GALNT5: variants seen among roughly 807,000 people sequenced by gnomAD.
GALNT5 encodes UDP-GalNAc:polypeptide N-acetylgalactosaminyltransferase 5.
Under a neutral mutation model 85.4 loss-of-function variants are expected in GALNT5, and 72 were observed. The observed-to-expected ratio is 0.84, with a 90% CI of 0.70 to 1.03. The LOEUF is 1.03. Among genes scored for constraint, GALNT5 ranks in the 50% least tolerant of loss-of-function variants. GALNT5 has a pLI of 0.00. For missense variants in GALNT5, 1,137 were observed against 1,135.5 expected (o/e 1.00, Z -0.02); for synonymous variants, 404 against 397.0 (o/e 1.02, Z -0.21).
At chr2:157,283,090 A>G (rs1574022050) in intron 1 of GALNT5, among the ~76,000 whole-genome samples, 2 of 152,296 alleles carry the variant, frequency 1.3e-5, no homozygotes, top group Middle Eastern at 6.8e-3. Context: ...GGCTTCCTCA[A>G]TGGTTACTTT....
In GALNT5 at chr2:157,313,905, A is replaced by G; in HGVS notation, c.*2557A>G. On this transcript the variant is annotated 3_prime_UTR_variant, in exon 10 of 10. Transcript: ENST00000259056. ...GATAGAATTTTATACATTGCTTTTC[A>G]TCATATATTTGCTCAGTTACTCTAA... 1 of 152,198 alleles carries G rather than the reference A, an allele frequency of 6.6e-6. No homozygotes were observed. The highest frequency in any genetic ancestry group is 2.4e-5 in the African/African-American group (1 of 41,458). 9.4% of individuals were successfully genotyped at this position (152,198 alleles called of 1,614,324 possible). A position where few individuals can be genotyped will look rare whatever the true frequency, so the allele number is the denominator to read the frequency against.
intron 8 of GALNT5, among the ~76,000 whole-genome samples, chr2:157,307,914 T>C (rs1683487941): frequency 1.3e-5 from 2 of 152,238 alleles, no homozygotes; most frequent in Non-Finnish European, 2.9e-5. Flanking sequence ...TTTCATTACC[T>C]GAATTGGTAC....
chr2:157,293,763 T>C (rs1289816710), intron 3 of GALNT5, among the ~76,000 whole-genome samples: 1 of 151,716 alleles, frequency 6.6e-6, no homozygotes, highest in Non-Finnish European at 1.5e-5. Context: ...AATTGAGAGG[T>C]AGTTTGCAGA....
intron 1 of GALNT5, among the ~76,000 whole-genome samples, chr2:157,280,348 A>G (rs1682828786): frequency 6.6e-6 from 1 of 152,164 alleles, no homozygotes; most frequent in Admixed American, 6.5e-5. Context: ...CAGAGGTTTC[A>G]CCCAGAGAGA....
At chr2:157,304,252 A>G (rs912438188) in intron 7 of GALNT5, among the ~76,000 whole-genome samples, 5 of 152,172 alleles carry the variant, frequency 3.3e-5, no homozygotes, top group African/African-American at 9.7e-5. Context: ...CACATTTACT[A>G]ACAGTGAGCT....
At chr2:157,311,177 T>C in intron 9 of GALNT5, 31 bp from the exon 10 acceptor site, 1 of 1,574,376 alleles carries the variant, frequency 6.4e-7, no homozygotes, top group African/African-American at 1.4e-5. Context: ...ATTCAGCCTG[T>C]GGCTCATTCC....
At chr2:157,300,450 T>C (rs560271749) in intron 6 of GALNT5, among the ~76,000 whole-genome samples, 1 of 152,188 alleles carries the variant, frequency 6.6e-6, no homozygotes, top group African/African-American at 2.4e-5. Context: ...AAACTTACAT[T>C]GAAAGTTAGG....
rs140631996 is a variant in GALNT5 at position 157,306,226 on chromosome 2, T to C, written c.2520+397T>C. 7.9e-5 allele frequency among the ~76,000 whole-genome samples: 12 copies of C among 152,246 alleles called. No homozygotes were observed. The East Asian group carries it at 2.3e-3, about 29-fold the overall frequency. On this transcript the variant is annotated intron_variant, in intron 8 of 9. Transcript: ENST00000259056. ...CTGTAAATGTTTGCTGTAATAATAA[T>C]AAAGATAAAAATGTAAAAAATGCAT...
Position 157,316,296 on chromosome 2 carries a change from A to G in GALNT5, c.*4948A>G, listed in dbSNP as rs1471243955. Among the ~76,000 whole-genome samples, 1 of 152,056 alleles carries G rather than the reference A, an allele frequency of 6.6e-6. No homozygotes were observed. The highest frequency in any genetic ancestry group is 2.4e-5 in the African/African-American group (1 of 41,412). ...TTGACTTTTCAGGCTGCTTTTTGTT[A>G]GAAAATAAGTGGCTTGGGGGCTGCT... On this transcript the variant is annotated 3_prime_UTR_variant, in exon 10 of 10. Transcript: ENST00000259056.
At chr2:157,308,796 C>G in intron 9 of GALNT5, 68 bp downstream of exon 9, 1 of 1,240,686 alleles carries the variant, frequency 8.1e-7, no homozygotes, top group Non-Finnish European at 1.1e-6. Context: ...ACATAAAATT[C>G]TCATTGTCAC....
chr2:157,310,052 A>G (rs1334322147), intron 9 of GALNT5, among the ~76,000 whole-genome samples: 2 of 152,184 alleles, frequency 1.3e-5, no homozygotes, highest in African/African-American at 4.8e-5. Flanking sequence ...AACGAGAACT[A>G]AAACACATTC....
At chr2:157,305,107 A>G (rs759940723) in intron 7 of GALNT5, among the ~76,000 whole-genome samples, 26 of 152,174 alleles carry the variant, frequency 1.7e-4, no homozygotes, top group Non-Finnish European at 3.5e-4. Flanking sequence ...ATTTTTCTGC[A>G]TTAAATGGTG....
intron 1 of GALNT5, among the ~76,000 whole-genome samples, chr2:157,263,547 G>C (rs1030676733): frequency 2.6e-5 from 4 of 152,124 alleles, no homozygotes; most frequent in African/African-American, 9.7e-5. Context: ...CTGAATCCTT[G>C]AACGTCTGTT....
At chr2:157,310,356 G>GT (rs1284277167) in intron 9 of GALNT5, among the ~76,000 whole-genome samples, 1 of 152,044 alleles carries the variant, frequency 6.6e-6, no homozygotes, top group Non-Finnish European at 1.5e-5. Flanking sequence ...CCCATTATAT[G>GT]TAAGTCTTAA....
chr2:157,260,751 G>C (rs1682065402), intron 1 of GALNT5, among the ~76,000 whole-genome samples: 1 of 152,210 alleles, frequency 6.6e-6, no homozygotes. Context: ...ATCCACATTA[G>C]AAAGAAGAGT....
intron 1 of GALNT5, among the ~76,000 whole-genome samples, chr2:157,282,072 G>T (rs543512922): frequency 1.3e-5 from 2 of 152,184 alleles, no homozygotes; most frequent in South Asian, 4.1e-4. Flanking sequence ...CTAATGCATG[G>T]ATCCTTAGTG....
Position 157,315,100 on chromosome 2 carries a change from T to C in GALNT5, c.*3752T>C, listed in dbSNP as rs1394456973. Reference sequence around the variant, plus strand: ...CTCAAAAAATAATAATAATAATTTTTACCTCAGAAGAAAGCCCCAAAATCT... The same window carrying C: ...CTCAAAAAATAATAATAATAATTTTCACCTCAGAAGAAAGCCCCAAAATCT... On this transcript the variant is annotated 3_prime_UTR_variant, in exon 10 of 10. Transcript: ENST00000259056. Among the ~76,000 whole-genome samples the C allele has an allele frequency of 6.6e-6, 1 of 152,068 alleles. No homozygotes were observed. Among genetic ancestry groups the C allele is most frequent in the East Asian group, 1.9e-4 (1 of 5,200 alleles).
chr2:157,308,750 C>G (rs1467079333), intron 9 of GALNT5, 22 bp downstream of exon 9: 1 of 1,577,786 alleles, frequency 6.3e-7, no homozygotes, highest in Admixed American at 1.8e-5. Context: ...ATTGGTACCT[C>G]TTCTTTACCA....
At chr2:157,305,719 G>A in intron 7 of GALNT5, 30 bp from the exon 8 acceptor site, 1 of 1,225,470 alleles carries the variant, frequency 8.2e-7, no homozygotes, top group Non-Finnish European at 1.2e-6. Context: ...AAAATATTTT[G>A]TAATTCCTGT....
Sources: allele counts gnomAD v4.1 joint callset (sites outside exome capture counted in the v4.1 genomes callset), GRCh38; gene constraint gnomAD v4.1.1; transcripts MANE v1.5; gene names NCBI Gene and HGNC (gene_info 2026-07-23, HGNC 2026-07-21).